NTM: variants seen among roughly 807,000 people sequenced by gnomAD.
The protein encoded by NTM is IgLON family member 2.
In NTM, 13 loss-of-function variants were observed where a neutral mutation model predicts 42.1. That is an observed-to-expected ratio of 0.31 (90% confidence interval 0.20 to 0.49). The LOEUF (loss-of-function observed/expected upper bound fraction) is 0.49. Ranked by LOEUF, NTM falls within the 20% of genes least tolerant of loss-of-function variation. The pLI, the probability that NTM is intolerant of heterozygous loss-of-function variation, is 0.99. For synonymous variants in NTM, 187 were observed against 179.2 expected, an observed-to-expected ratio of 1.04 and a Z score of -0.35; for missense variants, 373 against 452.8, an observed-to-expected ratio of 0.82 and a Z score of 1.60.
At position 131,401,485 on chromosome 11, in the gene NTM, G is replaced by A. The variant is rs542938017; in HGVS notation, c.82+30597G>A. Among the ~76,000 whole-genome samples the A allele has an allele frequency of 8.6e-5, 13 of 151,842 alleles. 1 individual carries two copies. In the South Asian group the frequency reaches 1.5e-3, roughly 17 times the overall value. The stretch of plus-strand genomic sequence containing the variant: ...ACCTTCTCTTAATGTTGTTATAAGC[G>A]TAAGTGCAGTAATATGTAGCCATAC... On this transcript the variant is annotated intron_variant, in intron 1 of 8. Transcript: ENST00000683400.
intron 1 of NTM, among the ~76,000 whole-genome samples, chr11:131,781,989 G>A (rs981874081): frequency 6.6e-6 from 1 of 152,204 alleles, no homozygotes; most frequent in African/African-American, 2.4e-5. Context: ...GCATGGTGGA[G>A]GACTCCTGGA....
chr11:131,983,660 G>A (rs2065624460), intron 2 of NTM, among the ~76,000 whole-genome samples: 1 of 152,150 alleles, frequency 6.6e-6, no homozygotes, highest in African/African-American at 2.4e-5. Flanking sequence ...ACAGGCATGA[G>A]CCACCACGAC....
intron 2 of NTM, among the ~76,000 whole-genome samples, chr11:132,069,447 A>G (rs2136125506): frequency 8.3e-6 from 1 of 121,144 alleles, no homozygotes; most frequent in Middle Eastern, 4.5e-3. Flanking sequence ...CACACAGCCA[A>G]GTTAACACGT....
intron 1 of NTM, among the ~76,000 whole-genome samples, chr11:131,379,959 A>G (rs1476452186): frequency 6.6e-6 from 1 of 152,114 alleles, no homozygotes; most frequent in African/African-American, 2.4e-5. Context: ...TCCAAATCCA[A>G]GTAGAATGAA....
At chr11:131,502,273 T>C (rs1325004998) in intron 1 of NTM, among the ~76,000 whole-genome samples, 1 of 151,910 alleles carries the variant, frequency 6.6e-6, no homozygotes, top group African/African-American at 2.4e-5. Context: ...TGAAGGAGCC[T>C]CGAGAGAGAG....
At chr11:131,813,939 T>C (rs1449247368) in intron 1 of NTM, among the ~76,000 whole-genome samples, 1 of 152,100 alleles carries the variant, frequency 6.6e-6, no homozygotes, top group Non-Finnish European at 1.5e-5. Context: ...CATGGAGTAT[T>C]AAAAGAGGTA....
chr11:132,153,842 A>G (rs142671509), intron 3 of NTM, among the ~76,000 whole-genome samples: 1 of 151,972 alleles, frequency 6.6e-6, no homozygotes, highest in African/African-American at 2.4e-5. Flanking sequence ...TATCTGTCTT[A>G]TAAGGTAACA....
chr11:131,970,018 C>T (rs180950487), intron 2 of NTM, among the ~76,000 whole-genome samples: 215 of 152,270 alleles, frequency 1.4e-3, no homozygotes, highest in Non-Finnish European at 1.9e-3. Context: ...ACTGTGTTGC[C>T]ATGCTGGTCT....
intron 1 of NTM, among the ~76,000 whole-genome samples, chr11:131,384,131 G>A (rs1165980413): frequency 6.6e-6 from 1 of 152,198 alleles, no homozygotes; most frequent in Non-Finnish European, 1.5e-5. Flanking sequence ...TTTCCAATAT[G>A]AGGTTAGCTA....
chr11:131,508,062 G>T (rs2047721164), intron 1 of NTM, among the ~76,000 whole-genome samples: 1 of 149,450 alleles, frequency 6.7e-6, no homozygotes, highest in East Asian at 2.0e-4. Context: ...AAGAGCTTCT[G>T]CACAGCAAAA....
chr11:132,323,561 G>T (rs1300688555), intron 7 of NTM, among the ~76,000 whole-genome samples: 1 of 151,920 alleles, frequency 6.6e-6, no homozygotes, highest in Non-Finnish European at 1.5e-5. Context: ...AAGAGTCCAG[G>T]ACCAGATGGA....
chr11:131,427,473 C>T (rs1195369983), intron 1 of NTM, among the ~76,000 whole-genome samples: 2 of 152,172 alleles, frequency 1.3e-5, no homozygotes, highest in African/African-American at 2.4e-5. Context: ...TCTCTACACT[C>T]TCCAGAAAAC....
intron 1 of NTM, among the ~76,000 whole-genome samples, chr11:131,573,182 C>T (rs982397144): frequency 3.3e-5 from 5 of 152,118 alleles, no homozygotes; most frequent in African/African-American, 1.2e-4. Flanking sequence ...TGCCCGGAGC[C>T]CATGTCATCT....
rs769740331 is a variant in NTM, at chr11:131,424,600, C to CTTTT, written c.82+53727_82+53730dup. Reference sequence around the variant, plus strand: ...AGTTGTTTTTTATTTCTTTTCTTTTCTTTTTTTTTTTTTTTTTTGGCGCAA... The same window carrying CTTTT: ...AGTTGTTTTTTATTTCTTTTCTTTTCTTTTTTTTTTTTTTTTTTTTTTGGCGCAA... On this transcript the variant is annotated intron_variant, in intron 1 of 8. Coordinates refer to ENST00000683400, the MANE Select transcript of NTM (RefSeq NM_001352005.2). Among the ~76,000 whole-genome samples, 203 of 56,042 alleles carry CTTTT rather than the reference C, an allele frequency of 3.6e-3. 23 individuals carry two copies. Among genetic ancestry groups the CTTTT allele is most frequent in the African/African-American group, 0.011 (146 of 13,760 alleles). 36.8% of individuals were successfully genotyped at this position (56,042 alleles called of 152,430 possible). A position where few individuals can be genotyped will look rare whatever the true frequency, so the allele number is the denominator to read the frequency against.
chr11:131,803,757 G>T (rs151162920), intron 1 of NTM, among the ~76,000 whole-genome samples: 178 of 152,208 alleles, frequency 1.2e-3, no homozygotes, highest in Middle Eastern at 3.4e-3. Context: ...TGCCTCCCCC[G>T]AACCTGGCTG....
intron 2 of NTM, among the ~76,000 whole-genome samples, chr11:131,949,058 C>T (rs2060693022): frequency 6.6e-6 from 1 of 152,266 alleles, no homozygotes; most frequent in East Asian, 1.9e-4. Context: ...TGGGATACAG[C>T]GTGTAAGTGG....
At chr11:131,405,391 C>T (rs1565469081) in intron 1 of NTM, among the ~76,000 whole-genome samples, 2 of 151,710 alleles carry the variant, frequency 1.3e-5, no homozygotes, top group South Asian at 4.2e-4. Flanking sequence ...CCTGAGTCTC[C>T]CCTAACTTAG....
At chr11:131,527,098 G>C (rs1358136986) in intron 1 of NTM, among the ~76,000 whole-genome samples, 1 of 152,140 alleles carries the variant, frequency 6.6e-6, no homozygotes, top group Non-Finnish European at 1.5e-5. Flanking sequence ...ATCAAATCTG[G>C]AGGAACTTTG....
intron 4 of NTM, among the ~76,000 whole-genome samples, chr11:132,296,872 G>A (rs567090750): frequency 2.9e-4 from 44 of 152,328 alleles, no homozygotes; most frequent in African/African-American, 1.0e-3. Flanking sequence ...GCCCATGCAC[G>A]TGTTTCCAGC....
Sources: allele counts gnomAD v4.1 joint callset (sites outside exome capture counted in the v4.1 genomes callset), GRCh38; gene constraint gnomAD v4.1.1; transcripts MANE v1.5; gene names NCBI Gene and HGNC (gene_info 2026-07-23, HGNC 2026-07-21).